Variants in WDFY3 observed in about 807,000 individuals in gnomAD.
WDFY3 encodes WD repeat and FYVE domain containing 3.
WDFY3 carries 66 observed loss-of-function variants against 409.6 expected under a neutral mutation model. The ratio of observed to expected loss-of-function variants is 0.16; its 90% CI spans 0.13 to 0.20. The LOEUF (loss-of-function observed/expected upper bound fraction) is 0.20. Ranked by LOEUF, WDFY3 falls within the 10% of genes least tolerant of loss-of-function variation. WDFY3 has a pLI of 1.00. For synonymous variants in WDFY3, 1,521 were observed against 1,537.1 expected (o/e 0.99, Z 0.25); for missense variants, 3,031 against 4,298.1 (o/e 0.71, Z 8.24).
intron 1 of WDFY3, among the ~76,000 whole-genome samples, chr4:84,940,737 T>G (rs930989967): frequency 3.3e-5 from 5 of 151,982 alleles, no homozygotes; most frequent in African/African-American, 1.2e-4. Context: ...AGACTAGAAA[T>G]TTCATATTTT....
intron 9 of WDFY3, among the ~76,000 whole-genome samples, chr4:84,828,611 G>C (rs1162124395): frequency 1.3e-5 from 2 of 152,178 alleles, no homozygotes; most frequent in African/African-American, 4.8e-5. Flanking sequence ...GGAATAAAAA[G>C]AAGGGAATAG....
chr4:84,965,291 C>A (rs993192827), intron 1 of WDFY3, among the ~76,000 whole-genome samples: 5 of 152,098 alleles, frequency 3.3e-5, no homozygotes, highest in Admixed American at 2.0e-4. Context: ...CATAGTAAAC[C>A]AGTTGGCAAC....
intron 4 of WDFY3, among the ~76,000 whole-genome samples, chr4:84,856,268 A>C (rs17377666): frequency 0.027 from 4,133 of 152,344 alleles, 59 homozygotes; most frequent in South Asian, 0.049. Flanking sequence ...ATTGGAAATA[A>C]GTTAAAAAAT....
intron 42 of WDFY3, 140 bp from the exon 43 acceptor site, chr4:84,735,260 A>C: frequency 2.7e-6 from 2 of 727,490 alleles, no homozygotes; most frequent in South Asian, 1.8e-5. Flanking sequence ...CAAAAAATTC[A>C]GAATGAATTA....
chr4:84,799,645 A>C (rs933065449), intron 17 of WDFY3, among the ~76,000 whole-genome samples: 1 of 152,138 alleles, frequency 6.6e-6, no homozygotes, highest in South Asian at 2.1e-4. Flanking sequence ...ACATTTTTTA[A>C]GAGCATAAAC....
intron 47 of WDFY3, 47 bp from the exon 48 acceptor site, chr4:84,718,617 G>A: frequency 6.3e-7 from 1 of 1,582,032 alleles, no homozygotes; most frequent in Non-Finnish European, 8.6e-7. Flanking sequence ...TTTTTGTAAA[G>A]ATCAATTTTT....
chr4:84,890,350 T>C (rs1484129571), intron 3 of WDFY3, among the ~76,000 whole-genome samples: 1 of 152,204 alleles, frequency 6.6e-6, no homozygotes, highest in African/African-American at 2.4e-5. Context: ...TCCACCTGCC[T>C]TGGCCTCCCA....
rs1765720851 is a variant in WDFY3 at position 84,896,966 on chromosome 4, T to C, written c.-87A>G. 1 of 152,190 alleles carries C rather than the reference T, an allele frequency of 6.6e-6. No homozygotes were observed. The highest frequency in any genetic ancestry group is 2.4e-5 in the African/African-American group (1 of 41,452). 9.4% of individuals were successfully genotyped at this position (152,190 alleles called of 1,614,324 possible). A position where few individuals can be genotyped will look rare whatever the true frequency, so the allele number is the denominator to read the frequency against. On this transcript the variant is annotated 5_prime_UTR_variant, in exon 3 of 68. An upstream start codon of the reference 5' UTR is lost. Coordinates refer to ENST00000295888, the MANE Select transcript of WDFY3 (RefSeq NM_014991.6). ...GAATGTGTGAGCACAATAGGGCCCA[T>C]TCGCTTGAAGGTATTTTACTCAAAA...
At chr4:84,781,969 A>C (rs950052009) in intron 25 of WDFY3, among the ~76,000 whole-genome samples, 1 of 152,230 alleles carries the variant, frequency 6.6e-6, no homozygotes, top group Non-Finnish European at 1.5e-5. Flanking sequence ...CTTTTTATTA[A>C]TCTAAAAAGG....
intron 2 of WDFY3, among the ~76,000 whole-genome samples, chr4:84,899,208 C>T (rs1221840969): frequency 1.3e-5 from 2 of 152,090 alleles, no homozygotes; most frequent in Non-Finnish European, 2.9e-5. Context: ...ACAAAAATTA[C>T]TTAAAAAATG....
intron 30 of WDFY3, among the ~76,000 whole-genome samples, chr4:84,767,657 C>T (rs539877291): frequency 3.9e-4 from 60 of 151,962 alleles, no homozygotes; most frequent in African/African-American, 1.3e-3. Context: ...AGCCTTATTG[C>T]TGATAGAAAG....
intron 4 of WDFY3, among the ~76,000 whole-genome samples, chr4:84,858,669 T>C (rs1760105537): frequency 6.7e-6 from 1 of 148,786 alleles, no homozygotes; most frequent in South Asian, 2.1e-4. Flanking sequence ...TTCAAAATAA[T>C]GAGAAGAGGA....
At chr4:84,677,446 C>G (rs1726489808) in intron 66 of WDFY3, 50 bp from the exon 67 acceptor site, 1 of 1,492,438 alleles carries the variant, frequency 6.7e-7, no homozygotes, top group East Asian at 2.4e-5. Context: ...CTTCTGTGAT[C>G]TCCTTCTTGA....
intron 3 of WDFY3, among the ~76,000 whole-genome samples, chr4:84,881,792 G>T (rs563315433): frequency 3.3e-4 from 50 of 151,734 alleles, no homozygotes; most frequent in Middle Eastern, 3.4e-3. Flanking sequence ...TAAGAGGATC[G>T]CTTGATCCCA....
intron 30 of WDFY3, among the ~76,000 whole-genome samples, chr4:84,766,850 G>A (rs537838668): frequency 6.6e-6 from 1 of 152,296 alleles, no homozygotes; most frequent in African/African-American, 2.4e-5. Flanking sequence ...CAGAAGAAAG[G>A]CAAAGGCGCA....
chr4:84,726,339 T>C (rs1735649840), intron 45 of WDFY3, among the ~76,000 whole-genome samples: 1 of 152,158 alleles, frequency 6.6e-6, no homozygotes, highest in Non-Finnish European at 1.5e-5. Flanking sequence ...CTTTCTGGAA[T>C]ACAAAAACGA....
chr4:84,930,435 A>G (rs1030043289), intron 2 of WDFY3, among the ~76,000 whole-genome samples: 2 of 152,200 alleles, frequency 1.3e-5, no homozygotes, highest in African/African-American at 4.8e-5. Flanking sequence ...TAATAATACC[A>G]TGAGCTACCA....
At chr4:84,762,589 T>A (rs1179834686) in intron 32 of WDFY3, among the ~76,000 whole-genome samples, 2 of 151,950 alleles carry the variant, frequency 1.3e-5, no homozygotes, top group African/African-American at 4.8e-5. Flanking sequence ...ATTGTGCACA[T>A]GTACCCTAAA....
At chr4:84,879,889 G>A (rs1351988011) in intron 3 of WDFY3, among the ~76,000 whole-genome samples, 2 of 152,142 alleles carry the variant, frequency 1.3e-5, no homozygotes, top group Non-Finnish European at 2.9e-5. Flanking sequence ...ACACAACCTT[G>A]TTAGTCATAA....
Sources: allele counts gnomAD v4.1 joint callset (sites outside exome capture counted in the v4.1 genomes callset), GRCh38; gene constraint gnomAD v4.1.1; transcripts MANE v1.5; gene names NCBI Gene and HGNC (gene_info 2026-07-23, HGNC 2026-07-21).